Variants in ATP10B observed in about 807,000 individuals in gnomAD.
ATP10B encodes ATPase phospholipid transporting 10B (putative), also known as phospholipid-transporting ATPase VB.
ATP10B carries 122 observed loss-of-function variants against 141.2 expected under a neutral mutation model. That is an observed-to-expected ratio of 0.86 (90% CI 0.75 to 1.00). The LOEUF is 1.00. ATP10B is among the 50% of genes least tolerant of loss of function. ATP10B has a pLI of 0.00. For synonymous variants in ATP10B, 685 were observed against 692.0 expected, an observed-to-expected ratio of 0.99 and a Z score of 0.16; for missense variants, 1,876 against 1,825.3, an observed-to-expected ratio of 1.03 and a Z score of -0.51.
chr5:160,797,077 T>C (rs1212113002), intron 1 of ATP10B, among the ~76,000 whole-genome samples: 1 of 151,790 alleles, frequency 6.6e-6, no homozygotes, highest in African/African-American at 2.4e-5. Flanking sequence ...TGTCAGGGGG[T>C]TTCAGAACTC....
chr5:160,887,152 A>G, the ATP10B span, among the ~76,000 whole-genome samples: 5 of 152,214 alleles, frequency 3.3e-5, no homozygotes, highest in Admixed American at 2.0e-4. Flanking sequence ...GTCCTCCAGT[A>G]TCTGTGGAGG....
chr5:160,828,885 T>G (rs1295914124), intron 1 of ATP10B, among the ~76,000 whole-genome samples: 1 of 148,872 alleles, frequency 6.7e-6, no homozygotes, highest in Non-Finnish European at 1.5e-5. Flanking sequence ...CCATAAAAAA[T>G]GATGAGTTCA....
At chr5:160,654,320 A>T (rs927643007) in intron 7 of ATP10B, among the ~76,000 whole-genome samples, 9 of 151,940 alleles carry the variant, frequency 5.9e-5, no homozygotes, top group Admixed American at 2.6e-4. Context: ...GAGACGGTGT[A>T]ATGTCCTCTC....
At chr5:160,607,502 G>T (rs1463842745) in intron 18 of ATP10B, among the ~76,000 whole-genome samples, 1 of 152,144 alleles carries the variant, frequency 6.6e-6, no homozygotes, top group East Asian at 1.9e-4. Context: ...GTGTATTCCT[G>T]ATCTTAGAGA....
intron 1 of ATP10B, among the ~76,000 whole-genome samples, chr5:160,793,239 T>G (rs969135656): frequency 6.6e-6 from 1 of 152,074 alleles, no homozygotes; most frequent in African/African-American, 2.4e-5. Context: ...TAGGAGCCTA[T>G]TTAGACAATT....
upstream of ATP10B, chr5:160,852,261 G>A (rs1015799872): frequency 1.3e-5 from 2 of 152,146 alleles, no homozygotes. Context: ...GAACAGTGAA[G>A]GCAGTGTTCT....
chr5:160,817,614 C>T (rs923169333), intron 1 of ATP10B, among the ~76,000 whole-genome samples: 2 of 152,146 alleles, frequency 1.3e-5, no homozygotes, highest in Non-Finnish European at 2.9e-5. Context: ...CATCAAGCTA[C>T]CAATGACTTT....
chr5:160,772,610 T>A (rs1435010987), intron 2 of ATP10B, among the ~76,000 whole-genome samples: 2 of 152,026 alleles, frequency 1.3e-5, no homozygotes, highest in Non-Finnish European at 2.9e-5. Flanking sequence ...GCAACCTAGA[T>A]CCCTGGCATG....
At position 160,634,685 on chromosome 5, in the gene ATP10B, G is replaced by A. The variant is rs144505053; in HGVS notation, c.1129-79C>T. The A allele has an allele frequency of 3.6e-4, 535 of 1,468,522 alleles. 4 individuals are homozygous for A. In the African/African-American group the frequency reaches 6.6e-3, roughly 18 times the overall value. The allele number at this position is 1,468,522 out of a possible 1,614,324, so 91.0% of individuals were successfully genotyped here. ...GGATCCTCACTAGCAGGTAGCAAAG[G>A]CATTTCATAGAAAGTTGAGGTCAGC... is the stretch of plus-strand genomic sequence containing the variant. On this transcript the variant is annotated intron_variant, in intron 11 of 25. Transcript: ENST00000327245.
chr5:160,593,902 G>A (rs375161856), intron 22 of ATP10B, among the ~76,000 whole-genome samples: 50 of 152,312 alleles, frequency 3.3e-4, no homozygotes, highest in East Asian at 3.1e-3. Context: ...CCAAATCTAC[G>A]TCTGATTGGT....
chr5:160,693,594 G>A (rs1764204517), intron 3 of ATP10B, among the ~76,000 whole-genome samples: 1 of 152,160 alleles, frequency 6.6e-6, no homozygotes, highest in Non-Finnish European at 1.5e-5. Context: ...ACGGGAAGAA[G>A]TTCCTGAGGT....
chr5:160,716,560 T>C (rs749381999), intron 3 of ATP10B, among the ~76,000 whole-genome samples: 5 of 152,116 alleles, frequency 3.3e-5, no homozygotes, highest in African/African-American at 9.7e-5. Context: ...GGAAACAAAA[T>C]GTAAAGTTGA....
At chr5:160,772,320 T>C (rs1385550981) in intron 2 of ATP10B, among the ~76,000 whole-genome samples, 1 of 152,206 alleles carries the variant, frequency 6.6e-6, no homozygotes, top group East Asian at 1.9e-4. Flanking sequence ...GTATCATCCC[T>C]TGTGGGTTTA....
chr5:160,624,644 C>T (rs143019840), intron 13 of ATP10B, among the ~76,000 whole-genome samples: 68 of 152,260 alleles, frequency 4.5e-4, no homozygotes, highest in South Asian at 2.9e-3. Context: ...TCCTAGTAGG[C>T]GCTCACATTT....
chr5:160,788,261 A>C (rs1346396566), intron 1 of ATP10B, among the ~76,000 whole-genome samples: 1 of 152,142 alleles, frequency 6.6e-6, no homozygotes, highest in Non-Finnish European at 1.5e-5. Context: ...AACCTTAATG[A>C]ATTGCTCCTC....
intron 2 of ATP10B, among the ~76,000 whole-genome samples, chr5:160,775,823 G>A (rs1388760449): frequency 6.6e-6 from 1 of 151,938 alleles, no homozygotes; most frequent in Non-Finnish European, 1.5e-5. Context: ...TGGGACTACA[G>A]GCACCCGCCA....
intron 2 of ATP10B, among the ~76,000 whole-genome samples, chr5:160,717,336 GA>G (rs1765720525): frequency 6.6e-6 from 1 of 152,138 alleles, no homozygotes; most frequent in South Asian, 2.1e-4. Flanking sequence ...TGATTAGTTG[GA>G]TAGAGGGCAA....
chr5:160,614,507 T>C (rs1276922464), intron 17 of ATP10B: 1 of 152,300 alleles, frequency 6.6e-6, no homozygotes, highest in Non-Finnish European at 1.5e-5. Flanking sequence ...GGTGGCATCA[T>C]CTGGCAGATA....
At chr5:160,788,277 C>T (rs541727072) in intron 1 of ATP10B, among the ~76,000 whole-genome samples, 1 of 152,164 alleles carries the variant, frequency 6.6e-6, no homozygotes. Context: ...TCCTCCTCCC[C>T]ACTTGGCCAA....
Sources: gnomAD v4.1 joint callset for allele counts (sites outside exome capture counted in the v4.1 genomes callset) on GRCh38, gnomAD v4.1.1 for gene constraint, MANE v1.5 for transcripts, NCBI Gene and HGNC (gene_info 2026-07-23, HGNC 2026-07-21) for gene names.